SLIT2: variants seen among roughly 807,000 people sequenced by gnomAD.
SLIT2 encodes the protein slit guidance ligand 2.
In SLIT2, 41 loss-of-function variants were observed where a neutral mutation model predicts 185.7. The ratio of observed to expected loss-of-function variants is 0.22; its 90% CI spans 0.17 to 0.29. The LOEUF is 0.29. Ranked by LOEUF, SLIT2 falls within the 10% of genes least tolerant of loss-of-function variation. SLIT2 has a pLI of 1.00. For missense variants in SLIT2, 1,571 were observed against 1,909.0 expected, an observed-to-expected ratio of 0.82 and a Z score of 3.30; for synonymous variants, 693 against 680.2, an observed-to-expected ratio of 1.02 and a Z score of -0.29.
At chr4:20,286,663 G>C (rs573032966) in intron 4 of SLIT2, among the ~76,000 whole-genome samples, 1 of 152,118 alleles carries the variant, frequency 6.6e-6, no homozygotes, top group Non-Finnish European at 1.5e-5. Flanking sequence ...TTAGATGGGC[G>C]TGGTAGCGTG....
chr4:20,384,260 T>C (rs1724763340), intron 4 of SLIT2, among the ~76,000 whole-genome samples: 1 of 152,170 alleles, frequency 6.6e-6, no homozygotes, highest in African/African-American at 2.4e-5. Context: ...TTATGTTATG[T>C]GAAAGCAGCT....
At chr4:20,523,993 G>T (rs918307905) in intron 13 of SLIT2, 21 bp from the exon 14 acceptor site, 1 of 1,613,728 alleles carries the variant, frequency 6.2e-7, no homozygotes, top group Admixed American at 1.7e-5. Context: ...CTATAAAACT[G>T]TTCTGTATGT....
chr4:20,549,995 C>A (rs980941519), intron 24 of SLIT2, among the ~76,000 whole-genome samples: 1 of 152,002 alleles, frequency 6.6e-6, no homozygotes, highest in African/African-American at 2.4e-5. Flanking sequence ...TGGGAAGGTA[C>A]TGTCAAGTAT....
chr4:20,415,257 A>G (rs1727562220), intron 4 of SLIT2, among the ~76,000 whole-genome samples: 1 of 152,052 alleles, frequency 6.6e-6, no homozygotes, highest in African/African-American at 2.4e-5. Context: ...TAAAAATACA[A>G]AAAATTAGCT....
At chr4:20,474,070 G>A (rs1341500676) in intron 5 of SLIT2, among the ~76,000 whole-genome samples, 1 of 151,928 alleles carries the variant, frequency 6.6e-6, no homozygotes, top group South Asian at 2.1e-4. Context: ...TCATTTATAG[G>A]GATTGCTATC....
intron 29 of SLIT2, among the ~76,000 whole-genome samples, chr4:20,572,751 A>G (rs1446919546): frequency 6.6e-6 from 1 of 152,260 alleles, no homozygotes; most frequent in East Asian, 1.9e-4. Context: ...ACAGGACCAC[A>G]TACAAGTATG....
chr4:20,442,491 T>C lies in SLIT2; in HGVS notation c.396-25261T>C, dbSNP rs1242877769. On this transcript the variant is annotated intron_variant, in intron 4 of 36. Transcript: ENST00000504154. ...GTGAGCTGAGATCGCGCCACTGCGC[T>C]CCAGCCTGGGCGACAGAGGGAGACT... 2.5e-5 allele frequency among the ~76,000 whole-genome samples: 3 copies of C among 121,160 alleles called. No homozygotes were observed. The East Asian group carries it at 8.5e-4, about 34-fold the overall frequency. The allele number at this position is 121,160 out of a possible 152,430, so 79.5% of individuals were successfully genotyped here.
intron 4 of SLIT2, among the ~76,000 whole-genome samples, chr4:20,312,771 C>CAAAAAAAAAA (rs34372893): frequency 8.8e-5 from 9 of 102,154 alleles, no homozygotes; most frequent in Non-Finnish European, 1.6e-4. Context: ...GACTTTGTCT[C>CAAAAAAAAAA]AAAAAAAAAA....
At chr4:20,604,938 C>T (rs1411219469) in intron 33 of SLIT2, among the ~76,000 whole-genome samples, 4 of 151,712 alleles carry the variant, frequency 2.6e-5, no homozygotes, top group Admixed American at 1.3e-4. Flanking sequence ...CGGGTTCAAG[C>T]GATTCTCCTG....
intron 4 of SLIT2, among the ~76,000 whole-genome samples, chr4:20,408,728 G>T (rs1451232305): frequency 6.6e-6 from 1 of 152,174 alleles, no homozygotes; most frequent in African/African-American, 2.4e-5. Context: ...GTGAGCTGCA[G>T]TCTGAGAAGC....
rs1486011562 is a variant in SLIT2 at position 20,463,473 on chromosome 4, ATATATATATATATATATATG to A, written c.396-4277_396-4258del. 3.3e-4 allele frequency among the ~76,000 whole-genome samples: 31 copies of A among 94,682 alleles called. 1 individual carries two copies. Among genetic ancestry groups the A allele is most frequent in the African/African-American group, 1.1e-3 (30 of 26,324 alleles). 62.1% of individuals were successfully genotyped at this position (94,682 alleles called of 152,430 possible). The stretch of plus-strand genomic sequence containing the variant: ...GATATATATATATATATATATATAT[ATATATATATATATATATATG>A]TGTGTGTGCGTATATCCATATATGT... On this transcript the variant is annotated intron_variant, in intron 4 of 36. Coordinates refer to ENST00000504154, the MANE Select transcript of SLIT2 (RefSeq NM_004787.4).
chr4:20,470,284 A>G (rs1284914749), intron 5 of SLIT2, among the ~76,000 whole-genome samples: 1 of 152,222 alleles, frequency 6.6e-6, no homozygotes, highest in African/African-American at 2.4e-5. Flanking sequence ...AGAAATGACT[A>G]TTCTATTGTG....
chr4:20,502,503 A>G (rs552822993), intron 9 of SLIT2, among the ~76,000 whole-genome samples: 116 of 152,328 alleles, frequency 7.6e-4, no homozygotes, highest in African/African-American at 2.7e-3. Context: ...AGAATTTTAA[A>G]CATGAGATAA....
chr4:20,283,572 T>C (rs1462834786), intron 4 of SLIT2, among the ~76,000 whole-genome samples: 1 of 152,168 alleles, frequency 6.6e-6, no homozygotes, highest in Non-Finnish European at 1.5e-5. Context: ...ATGATGCTTC[T>C]CACCAGGACA....
intron 4 of SLIT2, among the ~76,000 whole-genome samples, chr4:20,352,078 A>G (rs1721926504): frequency 1.3e-5 from 2 of 152,178 alleles, no homozygotes; most frequent in South Asian, 4.1e-4. Context: ...TTATGCTGGC[A>G]AAGTGTCAGT....
intron 33 of SLIT2, among the ~76,000 whole-genome samples, chr4:20,603,900 A>G (rs1728593256): frequency 6.6e-6 from 1 of 152,206 alleles, no homozygotes; most frequent in Admixed American, 6.5e-5. Context: ...TGTTTTCAAG[A>G]TGTTTATTCA....
At chr4:20,505,461 G>T (rs1385722404) in intron 9 of SLIT2, among the ~76,000 whole-genome samples, 1 of 152,036 alleles carries the variant, frequency 6.6e-6, no homozygotes, top group Non-Finnish European at 1.5e-5. Context: ...AAAATAACAC[G>T]ATTTTAAAAC....
At chr4:20,450,647 T>C (rs897730274) in intron 4 of SLIT2, among the ~76,000 whole-genome samples, 2 of 152,254 alleles carry the variant, frequency 1.3e-5, no homozygotes, top group Admixed American at 1.3e-4. Flanking sequence ...TATTTTTAAC[T>C]ATGCAGGTAA....
At chr4:20,503,814 A>C (rs1718958929) in intron 9 of SLIT2, among the ~76,000 whole-genome samples, 1 of 152,190 alleles carries the variant, frequency 6.6e-6, no homozygotes, top group Non-Finnish European at 1.5e-5. Flanking sequence ...GTAAAATAAA[A>C]TTTAAAAATG....
Sources: gnomAD v4.1 joint callset for allele counts (sites outside exome capture counted in the v4.1 genomes callset) on GRCh38, gnomAD v4.1.1 for gene constraint, MANE v1.5 for transcripts, NCBI Gene and HGNC (gene_info 2026-07-23, HGNC 2026-07-21) for gene names.